Variants in TAF3 observed in about 807,000 individuals in gnomAD.
The protein encoded by TAF3 is TATA-box binding protein associated factor 3.
A neutral mutation model predicts 80.6 loss-of-function variants in TAF3; 7 were observed. That is an observed-to-expected ratio of 0.09 (90% CI 0.05 to 0.16). TAF3 has a LOEUF of 0.16. Among genes scored for constraint, TAF3 ranks in the 10% least tolerant of loss-of-function variants. The pLI is 1.00. For missense variants in TAF3, 921 were observed against 1,140.2 expected (o/e 0.81, Z 2.77); for synonymous variants, 444 against 446.1 (o/e 1.00, Z 0.06).
At chr10:7,992,288 T>C (rs979896660) in intron 4 of TAF3, among the ~76,000 whole-genome samples, 7 of 152,216 alleles carry the variant, frequency 4.6e-5, no homozygotes, top group Admixed American at 2.6e-4. Context: ...CAACACTCTC[T>C]GGGTTTACAT....
chr10:7,833,314 A>T (rs986823830), intron 2 of TAF3, among the ~76,000 whole-genome samples: 2 of 152,190 alleles, frequency 1.3e-5, no homozygotes, highest in Non-Finnish European at 2.9e-5. Flanking sequence ...CTAAATTCCC[A>T]CCAACAGTGT....
In TAF3 at chr10:8,011,098, A is replaced by T. The variant is rs367656886; in HGVS notation, c.2568+1768A>T. 9.9e-5 allele frequency among the ~76,000 whole-genome samples: 15 copies of T among 152,262 alleles called. No homozygotes were observed. The East Asian group carries it at 1.9e-3, about 20-fold the overall frequency. ...ATTTAAGGTGTGTGGAGCCATTGCC[A>T]TTGCTGTGACTACCAACTCTGCAGA... On this transcript the variant is annotated intron_variant, in intron 5 of 6. Coordinates refer to ENST00000344293, the MANE Select transcript of TAF3 (RefSeq NM_031923.4).
intron 2 of TAF3, among the ~76,000 whole-genome samples, chr10:7,924,274 A>G (rs1032147783): frequency 4.6e-5 from 7 of 152,196 alleles, no homozygotes; most frequent in African/African-American, 1.7e-4. Context: ...TGCTAACCCA[A>G]TGAGAAAGCA....
intron 2 of TAF3, among the ~76,000 whole-genome samples, chr10:7,934,436 G>GTTAT (rs989147083): frequency 1.8e-4 from 28 of 151,958 alleles, no homozygotes; most frequent in African/African-American, 4.8e-4. Flanking sequence ...TTATCTTACT[G>GTTAT]TTATTTATTT....
At chr10:7,968,012 A>G (rs2131414889) in intron 3 of TAF3, among the ~76,000 whole-genome samples, 2 of 152,208 alleles carry the variant, frequency 1.3e-5, no homozygotes, top group South Asian at 4.2e-4. Context: ...CCTTTCTTCA[A>G]CCCCGTTTAA....
chr10:7,899,368 C>T (rs1368666950), intron 2 of TAF3, among the ~76,000 whole-genome samples: 2 of 152,190 alleles, frequency 1.3e-5, no homozygotes, highest in Non-Finnish European at 2.9e-5. Context: ...CCAGCACACA[C>T]ATTCAGCAAG....
intron 2 of TAF3, among the ~76,000 whole-genome samples, chr10:7,860,204 A>G (rs1023753615): frequency 6.6e-6 from 1 of 151,886 alleles, no homozygotes; most frequent in Non-Finnish European, 1.5e-5. Context: ...CCTGGGAGGC[A>G]GAGGTTGCAG....
chr10:7,825,288 C>G (rs1295273146), intron 2 of TAF3, among the ~76,000 whole-genome samples: 1 of 152,158 alleles, frequency 6.6e-6, no homozygotes, highest in Admixed American at 6.5e-5. Flanking sequence ...CTGTATACTT[C>G]AGGACAATGC....
At chr10:7,888,259 T>C (rs1017838436) in intron 2 of TAF3, among the ~76,000 whole-genome samples, 2 of 152,242 alleles carry the variant, frequency 1.3e-5, no homozygotes, top group East Asian at 3.8e-4. Context: ...TTTGCTTCTT[T>C]ACTCCTTAAC....
At chr10:7,858,715 A>G (rs952845498) in intron 2 of TAF3, among the ~76,000 whole-genome samples, 7 of 152,202 alleles carry the variant, frequency 4.6e-5, no homozygotes, top group Non-Finnish European at 1.0e-4. Context: ...CGTGGCCGGG[A>G]CATATTCACA....
intron 6 of TAF3, 131 bp from the exon 7 acceptor site, chr10:8,014,506 A>G: frequency 2.8e-6 from 2 of 703,358 alleles, no homozygotes; most frequent in Non-Finnish European, 4.7e-6. Context: ...TGCTACACAC[A>G]AGTTAGTGCT....
chr10:7,895,566 T>C (rs537239924), intron 2 of TAF3, among the ~76,000 whole-genome samples: 21 of 152,296 alleles, frequency 1.4e-4, no homozygotes, highest in Non-Finnish European at 2.9e-4. Context: ...CTTTTGGTCA[T>C]AAGTATAAGA....
At chr10:7,920,449 C>T (rs188346938) in intron 2 of TAF3, among the ~76,000 whole-genome samples, 3 of 151,262 alleles carry the variant, frequency 2.0e-5, no homozygotes, top group Admixed American at 2.0e-4. Context: ...GCTTTTTATG[C>T]TTTGCATTTT....
At chr10:7,831,116 T>G (rs1836795892) in intron 2 of TAF3, among the ~76,000 whole-genome samples, 2 of 152,228 alleles carry the variant, frequency 1.3e-5, no homozygotes, top group African/African-American at 4.8e-5. Flanking sequence ...ATTTCATTCT[T>G]TAGTTGAAAT....
chr10:7,863,608 TAAAAAAAA>T lies in TAF3; in HGVS notation c.409+39060_409+39067del, dbSNP rs1230925353. Among the ~76,000 whole-genome samples, 35 of 20,404 alleles carry T rather than the reference TAAAAAAAA, an allele frequency of 1.7e-3. 1 individual carries two copies. The highest frequency in any genetic ancestry group is 7.4e-3 in the African/African-American group (33 of 4,460). 13.4% of individuals were successfully genotyped at this position (20,404 alleles called of 152,430 possible). A position where few individuals can be genotyped will look rare whatever the true frequency, so the allele number is the denominator to read the frequency against. ...CTGATGACCAGAGCAAAACTCTGTC[TAAAAAAAA>T]AAAAAAAAAAATATATATATATATA... On this transcript the variant is annotated intron_variant, in intron 2 of 6. Transcript: ENST00000344293.
intron 4 of TAF3, among the ~76,000 whole-genome samples, chr10:7,993,968 A>C (rs972021357): frequency 6.9e-6 from 1 of 144,128 alleles, no homozygotes; most frequent in African/African-American, 2.6e-5. Flanking sequence ...TGATGAGCAT[A>C]GGGTTTTGGA....
In TAF3 at chr10:7,879,532, A is replaced by G. The variant is rs184390779; in HGVS notation, c.409+54972A>G. Among the ~76,000 whole-genome samples, 18 of 152,342 alleles carry G rather than the reference A, an allele frequency of 1.2e-4. No homozygotes were observed. In the East Asian group the frequency reaches 3.5e-3, roughly 29 times the overall value. On this transcript the variant is annotated intron_variant, in intron 2 of 6. Transcript: ENST00000344293. ...AAATGACATGGCATTATTTTAGAAA[A>G]CATTTAGAAATTTATTATACTAATA...
intron 6 of TAF3, 59 bp downstream of exon 6, chr10:8,013,896 G>A (rs1433669222): frequency 2.1e-6 from 3 of 1,413,442 alleles, no homozygotes; most frequent in African/African-American, 2.8e-5. Context: ...CCGCTCCTGA[G>A]ATGAAGCATC....
At chr10:7,864,817 T>C (rs532168158) in intron 2 of TAF3, among the ~76,000 whole-genome samples, 268 of 90,118 alleles carry the variant, frequency 3.0e-3, no homozygotes, top group Non-Finnish European at 5.6e-3. Flanking sequence ...GGAAATATAG[T>C]TTATCTTTTT....
Sources: allele counts gnomAD v4.1 joint callset (sites outside exome capture counted in the v4.1 genomes callset), GRCh38; gene constraint gnomAD v4.1.1; transcripts MANE v1.5; gene names NCBI Gene and HGNC (gene_info 2026-07-23, HGNC 2026-07-21).